Variants in USP37 observed in about 807,000 individuals in gnomAD.
The protein encoded by USP37 is ubiquitin carboxyl-terminal hydrolase 37.
Under a neutral mutation model 124.0 loss-of-function variants are expected in USP37, and 27 were observed. The ratio of observed to expected loss-of-function variants is 0.22; its 90% CI spans 0.16 to 0.30. USP37 has a LOEUF of 0.30. Ranked by LOEUF, USP37 falls within the 10% of genes least tolerant of loss-of-function variation. USP37 has a pLI of 1.00. For missense variants in USP37, 889 were observed against 1,140.4 expected, an observed-to-expected ratio of 0.78 and a Z score of 3.17; for synonymous variants, 365 against 388.0, an observed-to-expected ratio of 0.94 and a Z score of 0.70.
chr2:218,542,636 G>A (rs1225743377), intron 8 of USP37, among the ~76,000 whole-genome samples: 2 of 152,184 alleles, frequency 1.3e-5, no homozygotes, highest in Non-Finnish European at 2.9e-5. Flanking sequence ...CGGTTCTAGA[G>A]AGGACAGCTT....
intron 4 of USP37, among the ~76,000 whole-genome samples, 166 bp downstream of exon 4, chr2:218,558,332 T>C (rs1202478762): frequency 1.3e-5 from 2 of 152,194 alleles, no homozygotes; most frequent in African/African-American, 2.4e-5. Context: ...ACAATACTGA[T>C]GAATAATTTA....
intron 10 of USP37, among the ~76,000 whole-genome samples, chr2:218,513,101 T>C (rs912348671): frequency 6.7e-6 from 1 of 149,594 alleles, no homozygotes; most frequent in Non-Finnish European, 1.5e-5. Context: ...AATATAGGCA[T>C]ATATATATAT....
chr2:218,456,804 T>C (rs2106403355), intron 24 of USP37, among the ~76,000 whole-genome samples: 1 of 152,082 alleles, frequency 6.6e-6, no homozygotes, highest in Middle Eastern at 3.4e-3. Flanking sequence ...ACCCCATCTC[T>C]ACTAAAAATG....
chr2:218,563,313 C>T (rs1367367137), intron 1 of USP37, among the ~76,000 whole-genome samples: 7 of 152,118 alleles, frequency 4.6e-5, no homozygotes, highest in Admixed American at 1.3e-4. Flanking sequence ...ACTTTAGGAA[C>T]TTATCTGCTG....
intron 9 of USP37, among the ~76,000 whole-genome samples, chr2:218,533,122 T>C (rs1378957047): frequency 6.6e-6 from 1 of 152,154 alleles, no homozygotes; most frequent in Non-Finnish European, 1.5e-5. Flanking sequence ...AGTATGCCGG[T>C]ACACATGTAT....
rs779228703 is a variant in USP37 at position 218,549,914 on chromosome 2, T to C, written c.329-5A>G. The C allele has an allele frequency of 1.1e-5, 18 of 1,582,566 alleles. No individual in the cohort carries two copies. The East Asian group carries it at 4.1e-4, about 36-fold the overall frequency. ...ACCCCTGAGACGGTTTCATGGCTGGTGACCAAAAATATAATTTTTTTTAAA... is the reference window on the plus strand; with the variant it reads ...ACCCCTGAGACGGTTTCATGGCTGGCGACCAAAAATATAATTTTTTTTAAA... On this transcript the variant is annotated splice_polypyrimidine_tract_variant and splice_region_variant and intron_variant, in intron 5 of 25. Coordinates refer to ENST00000258399, the MANE Select transcript of USP37 (RefSeq NM_020935.3).
chr2:218,546,915 C>A lies in USP37; in HGVS notation c.602+4G>T, dbSNP rs767519543. ...CTAGTGACTAAGAAAAAAGTCTCTCCTACCGATTTTCTAGCAACCCTGATC... is the reference window on the plus strand; with the variant it reads ...CTAGTGACTAAGAAAAAAGTCTCTCATACCGATTTTCTAGCAACCCTGATC... On this transcript the variant is annotated splice_donor_region_variant and intron_variant, in intron 7 of 25. Transcript: ENST00000258399. 4.4e-6 allele frequency: 7 copies of A among 1,606,260 alleles called. No individual in the cohort carries two copies. In the Admixed American group the frequency reaches 1.2e-4, roughly 28 times the overall value.
intron 9 of USP37, among the ~76,000 whole-genome samples, chr2:218,533,700 AAAG>A (rs1218997489): frequency 6.6e-6 from 1 of 152,188 alleles, no homozygotes; most frequent in Admixed American, 6.5e-5. Context: ...CAAACCACTA[AAAG>A]AAGAATATTC....
Position 218,450,562 on chromosome 2 carries a change from T to G in USP37, c.*4368A>C, listed in dbSNP as rs757482622. On this transcript the variant is annotated 3_prime_UTR_variant, in exon 26 of 26. Transcript: ENST00000258399. ...AAGTTTAAAGAAACAACAATGACAATAGGCCAGAGAAGTTAGGGAGGGAAA... is the reference window on the plus strand; with the variant it reads ...AAGTTTAAAGAAACAACAATGACAAGAGGCCAGAGAAGTTAGGGAGGGAAA... 1 of 152,558 alleles carries G rather than the reference T, an allele frequency of 6.6e-6. No individual in the cohort carries two copies. The highest frequency in any genetic ancestry group is 1.5e-5 in the Non-Finnish European group (1 of 68,040). 9.5% of individuals were successfully genotyped at this position (152,558 alleles called of 1,614,324 possible).
intron 10 of USP37, among the ~76,000 whole-genome samples, chr2:218,520,854 A>T (rs771553227): frequency 1.3e-5 from 2 of 152,164 alleles, no homozygotes; most frequent in Non-Finnish European, 2.9e-5. Context: ...AGAATAGCTG[A>T]TATAGTTTGG....
At chr2:218,547,813 T>A (rs1692445183) in intron 6 of USP37, among the ~76,000 whole-genome samples, 1 of 151,416 alleles carries the variant, frequency 6.6e-6, no homozygotes, top group Admixed American at 6.6e-5. Flanking sequence ...TGAGATAGAG[T>A]TCAATATGAA....
At chr2:218,473,698 G>A (rs939168333) in intron 20 of USP37, among the ~76,000 whole-genome samples, 21 of 152,126 alleles carry the variant, frequency 1.4e-4, no homozygotes, top group African/African-American at 5.1e-4. Context: ...GTACAAGGCA[G>A]GATGGCTCAG....
intron 14 of USP37, among the ~76,000 whole-genome samples, chr2:218,493,301 G>A (rs1197877994): frequency 6.6e-6 from 1 of 152,148 alleles, no homozygotes; most frequent in Non-Finnish European, 1.5e-5. Flanking sequence ...TCCCCACCCA[G>A]CTGGCACAAC....
At chr2:218,511,904 T>A (rs1690022278) in intron 10 of USP37, among the ~76,000 whole-genome samples, 1 of 152,148 alleles carries the variant, frequency 6.6e-6, no homozygotes, top group South Asian at 2.1e-4. Flanking sequence ...GTATTTTCTC[T>A]TAACAGTTAA....
At chr2:218,503,639 C>T (rs914662123) in intron 11 of USP37, among the ~76,000 whole-genome samples, 1 of 152,078 alleles carries the variant, frequency 6.6e-6, no homozygotes, top group Non-Finnish European at 1.5e-5. Flanking sequence ...TGCTTGAACC[C>T]GGGAGGCGGA....
At chr2:218,510,478 T>C (rs1164197545) in intron 10 of USP37, among the ~76,000 whole-genome samples, 1 of 152,224 alleles carries the variant, frequency 6.6e-6, no homozygotes, top group Non-Finnish European at 1.5e-5. Flanking sequence ...GTATACTTTT[T>C]CCACTGTTAC....
intron 10 of USP37, among the ~76,000 whole-genome samples, chr2:218,515,909 C>G (rs747276026): frequency 2.0e-5 from 3 of 152,030 alleles, no homozygotes; most frequent in Non-Finnish European, 4.4e-5. Context: ...CAAAAGAAGA[C>G]ATTTATGCGG....
intron 8 of USP37, among the ~76,000 whole-genome samples, chr2:218,545,601 A>T (rs968610959): frequency 6.6e-6 from 1 of 152,138 alleles, no homozygotes; most frequent in African/African-American, 2.4e-5. Context: ...GTACCAATTA[A>T]CTGTCTACCA....
chr2:218,545,193 C>T (rs1692251682), intron 8 of USP37, among the ~76,000 whole-genome samples: 1 of 152,208 alleles, frequency 6.6e-6, no homozygotes, highest in South Asian at 2.1e-4. Context: ...GCTTTTGCCA[C>T]AATAGTTGAA....
Sources: allele counts gnomAD v4.1 joint callset (sites outside exome capture counted in the v4.1 genomes callset), GRCh38; gene constraint gnomAD v4.1.1; transcripts MANE v1.5; gene names NCBI Gene and HGNC (gene_info 2026-07-23, HGNC 2026-07-21).